HFM1: variants seen among roughly 807,000 people sequenced by gnomAD.
The protein encoded by HFM1 is helicase for meiosis 1.
In HFM1, 169 loss-of-function variants were observed where a neutral mutation model predicts 192.1. That is an observed-to-expected ratio of 0.88 (90% CI 0.78 to 1.00). The LOEUF (loss-of-function observed/expected upper bound fraction) is 1.00, where lower values mean the gene tolerates loss of function less well. HFM1 is among the 50% of genes least tolerant of loss of function. The pLI is 0.00. For missense variants in HFM1, 1,661 were observed against 1,668.0 expected (o/e 1.00, Z 0.07); for synonymous variants, 525 against 537.8 (o/e 0.98, Z 0.33).
At chr1:91,321,634 T>C (rs898077983) in intron 23 of HFM1, among the ~76,000 whole-genome samples, 1 of 152,074 alleles carries the variant, frequency 6.6e-6, no homozygotes, top group Non-Finnish European at 1.5e-5. Context: ...CAAAAGACTA[T>C]AAATTTTGGA....
At chr1:91,274,943 C>A in intron 32 of HFM1, 134 bp from the exon 33 acceptor site, 2 of 442,650 alleles carry the variant, frequency 4.5e-6, no homozygotes, top group East Asian at 7.7e-5. Flanking sequence ...CAGGTTAGTT[C>A]TTGACTCGAA....
Position 91,401,019 on chromosome 1 carries a change from C to G in HFM1, c.64G>C (p.Val22Leu). Residue 22 changes from valine to leucine, a missense_variant, in exon 2 of 39, where the codon GTT (valine) becomes CTT (leucine). Physicochemically the swap from Val to Leu is conservative, Grantham distance 32. Coordinates refer to ENST00000370425, the MANE Select transcript of HFM1 (RefSeq NM_001017975.6). ...ENLFFEKPDE[V>L]ENHPDNEKSL... Reference sequence around the variant, plus strand: ...TCTTTAAGGGAGACTTACTTTTCAACTTCATCTGGTTTTTCAAAAAACAAA... The same window carrying G: ...TCTTTAAGGGAGACTTACTTTTCAAGTTCATCTGGTTTTTCAAAAAACAAA... The G allele has an allele frequency of 6.6e-7, 1 of 1,510,288 alleles. No individual in the cohort carries two copies. Among genetic ancestry groups the G allele is most frequent in the Non-Finnish European group, 9.0e-7 (1 of 1,114,590 alleles). 93.6% of individuals were successfully genotyped at this position (1,510,288 alleles called of 1,614,324 possible). A position where few individuals can be genotyped will look rare whatever the true frequency, so the allele number is the denominator to read the frequency against.
chr1:91,384,209 T>C (rs547929323), intron 6 of HFM1, among the ~76,000 whole-genome samples: 2 of 152,338 alleles, frequency 1.3e-5, no homozygotes, highest in South Asian at 4.1e-4. Flanking sequence ...TTACCTGCCT[T>C]ACTTTATCTG....
intron 13 of HFM1, among the ~76,000 whole-genome samples, chr1:91,372,999 AT>A (rs943855288): frequency 3.3e-5 from 5 of 151,878 alleles, no homozygotes; most frequent in African/African-American, 9.7e-5. Context: ...CACCCTAGAG[AT>A]TTTTTTTCAT....
intron 35 of HFM1, 130 bp from the exon 36 acceptor site, chr1:91,266,237 C>A: frequency 1.5e-6 from 1 of 678,624 alleles, no homozygotes; most frequent in Non-Finnish European, 2.4e-6. Flanking sequence ...TCTCAGTAAC[C>A]TAATTTAATT....
At chr1:91,397,663 T>G (rs1663825072) in intron 2 of HFM1, among the ~76,000 whole-genome samples, 1 of 152,184 alleles carries the variant, frequency 6.6e-6, no homozygotes, top group Non-Finnish European at 1.5e-5. Context: ...CTTTTAAAAT[T>G]TAGGACTGTG....
At chr1:91,274,862 T>C in intron 32 of HFM1, 53 bp from the exon 33 acceptor site, 1 of 888,884 alleles carries the variant, frequency 1.1e-6, no homozygotes, top group Non-Finnish European at 1.8e-6. Flanking sequence ...CAATAACTTG[T>C]AACACATGAG....
rs1189298636 is a variant in HFM1 at position 91,260,965 on chromosome 1, A to C, written c.*325T>G. 1.2e-5 allele frequency: 2 copies of C among 169,460 alleles called. No homozygotes were observed. Among genetic ancestry groups the C allele is most frequent in the African/African-American group, 4.7e-5 (2 of 42,322 alleles). The allele number at this position is 169,460 out of a possible 1,614,324, so 10.5% of individuals were successfully genotyped here. A position where few individuals can be genotyped will look rare whatever the true frequency, so the allele number is the denominator to read the frequency against. On this transcript the variant is annotated 3_prime_UTR_variant, in exon 39 of 39. Coordinates refer to ENST00000370425, the MANE Select transcript of HFM1 (RefSeq NM_001017975.6). ...TTTCTTCTTGTTAAGAAAATATAAA[A>C]ATGAAATTTTACATTGGTTCTTGTC...
intron 20 of HFM1, among the ~76,000 whole-genome samples, chr1:91,325,516 T>G (rs189063129): frequency 1.3e-5 from 2 of 152,220 alleles, no homozygotes; most frequent in African/African-American, 2.4e-5. Flanking sequence ...CTTTGCCTGA[T>G]AGTCCAGAGA....
intron 34 of HFM1, among the ~76,000 whole-genome samples, chr1:91,272,885 A>G (rs1376172447): frequency 6.6e-6 from 1 of 152,072 alleles, no homozygotes; most frequent in Non-Finnish European, 1.5e-5. Context: ...CAGCATGAAG[A>G]AAAGAATGTC....
At chr1:91,327,858 C>T (rs1052088900) in intron 20 of HFM1, among the ~76,000 whole-genome samples, 2 of 152,086 alleles carry the variant, frequency 1.3e-5, no homozygotes, top group Admixed American at 6.6e-5. Context: ...ACAACAGGCT[C>T]CTAAATGACC....
chr1:91,406,458 T>C (rs149447967), upstream of HFM1, among the ~76,000 whole-genome samples: 1 of 152,322 alleles, frequency 6.6e-6, no homozygotes, highest in Non-Finnish European at 1.5e-5. Context: ...GTGGAATCTA[T>C]AGAGCCTTAC....
At chr1:91,382,611 C>T (rs1661685125) in intron 6 of HFM1, among the ~76,000 whole-genome samples, 1 of 152,212 alleles carries the variant, frequency 6.6e-6, no homozygotes, top group Non-Finnish European at 1.5e-5. Context: ...AATCCATCAG[C>T]TTTAGAAGGA....
intron 36 of HFM1, among the ~76,000 whole-genome samples, chr1:91,264,361 A>ATTTTCTTTTTTTTTTTTTTTTTT (rs1665484331): frequency 1.8e-5 from 1 of 57,058 alleles, no homozygotes; most frequent in African/African-American, 7.9e-5. Context: ...CAAATTTAGT[A>ATTTTCTTTTTTTTTTTTTTTTTT]TTTTTTTTTT....
At chr1:91,299,880 G>A (rs895181577) in intron 30 of HFM1, among the ~76,000 whole-genome samples, 59 of 152,198 alleles carry the variant, frequency 3.9e-4, no homozygotes, top group African/African-American at 1.4e-3. Flanking sequence ...AAGAACTAGA[G>A]AAGTAAGAGC....
chr1:91,313,207 A>G, intron 30 of HFM1, 142 bp downstream of exon 30: 1 of 500,492 alleles, frequency 2.0e-6, no homozygotes, highest in South Asian at 4.8e-5. Flanking sequence ...TCTACTATAT[A>G]CTATTAATGA....
Position 91,261,215 on chromosome 1 carries a change from T to A in HFM1, c.*75A>T. 1 of 633,356 alleles carries A rather than the reference T, an allele frequency of 1.6e-6. No individual in the cohort carries two copies. The highest frequency in any genetic ancestry group is 2.4e-6 in the Non-Finnish European group (1 of 415,230). 39.2% of individuals were successfully genotyped at this position (633,356 alleles called of 1,614,324 possible). A position where few individuals can be genotyped will look rare whatever the true frequency, so the allele number is the denominator to read the frequency against. ...ATCCGAACAATTATGAACTACTTTTTAAAAATAAAAAGCATGCTTTGTGAT... is the reference window on the plus strand; with the variant it reads ...ATCCGAACAATTATGAACTACTTTTAAAAAATAAAAAGCATGCTTTGTGAT... On this transcript the variant is annotated 3_prime_UTR_variant, in exon 39 of 39. Coordinates refer to ENST00000370425, the MANE Select transcript of HFM1 (RefSeq NM_001017975.6).
chr1:91,397,185 C>G (rs932755221), intron 2 of HFM1, among the ~76,000 whole-genome samples: 1 of 152,170 alleles, frequency 6.6e-6, no homozygotes, highest in South Asian at 2.1e-4. Flanking sequence ...AATGTCCTAA[C>G]CGAAATATTC....
intron 20 of HFM1, among the ~76,000 whole-genome samples, chr1:91,342,519 G>T (rs1041981130): frequency 1.3e-5 from 2 of 152,136 alleles, no homozygotes; most frequent in Admixed American, 6.5e-5. Context: ...ATTACACTTA[G>T]TTCATATCCC....
Sources: allele counts gnomAD v4.1 joint callset (sites outside exome capture counted in the v4.1 genomes callset), GRCh38; gene constraint gnomAD v4.1.1; transcripts MANE v1.5; gene names NCBI Gene and HGNC (gene_info 2026-07-23, HGNC 2026-07-21).